The following DPYD variants were observed in gnomAD, a reference collection of about 807,000 sequenced individuals.
The protein encoded by DPYD is dihydropyrimidine dehydrogenase [NADP(+)].
DPYD carries 109 observed loss-of-function variants against 116.2 expected under a neutral mutation model. That is an observed-to-expected ratio of 0.94 (90% CI 0.80 to 1.10). The LOEUF (loss-of-function observed/expected upper bound fraction) is 1.10, where lower values mean the gene tolerates loss of function less well. Among genes scored for constraint, DPYD ranks in the 50% least tolerant of loss-of-function variants. The pLI is 0.00. For synonymous variants in DPYD, 440 were observed against 432.0 expected (o/e 1.02, Z -0.23); for missense variants, 1,302 against 1,254.5 (o/e 1.04, Z -0.57).
intron 14 of DPYD, among the ~76,000 whole-genome samples, chr1:97,416,773 C>G (rs1444140293): frequency 6.6e-6 from 1 of 152,134 alleles, no homozygotes; most frequent in Non-Finnish European, 1.5e-5. Flanking sequence ...ACTGGAATGG[C>G]AGGATTAATT....
chr1:97,331,649 G>T (rs185717392), intron 16 of DPYD, among the ~76,000 whole-genome samples: 16 of 152,234 alleles, frequency 1.1e-4, no homozygotes, highest in African/African-American at 3.8e-4. Context: ...AAAGACTAAA[G>T]AAGACTAGAG....
intron 10 of DPYD, among the ~76,000 whole-genome samples, chr1:97,579,539 C>G (rs1653496570): frequency 6.6e-6 from 1 of 152,248 alleles, no homozygotes. Flanking sequence ...GACCTGTGGT[C>G]TAACCACATG....
chr1:97,665,768 T>C (rs376848837), intron 8 of DPYD, among the ~76,000 whole-genome samples: 1 of 152,228 alleles, frequency 6.6e-6, no homozygotes, highest in East Asian at 1.9e-4. Context: ...TTGTTATTCA[T>C]AGCAAGATGA....
intron 18 of DPYD, among the ~76,000 whole-genome samples, chr1:97,242,124 G>GTGTATATA (rs1491301396): frequency 8.4e-5 from 3 of 35,866 alleles, no homozygotes; most frequent in African/African-American, 1.3e-4. Context: ...GTGTGCGTGT[G>GTGTATATA]TATATATATA....
intron 12 of DPYD, among the ~76,000 whole-genome samples, chr1:97,535,849 C>A (rs1025892449): frequency 3.9e-5 from 6 of 152,024 alleles, no homozygotes; most frequent in African/African-American, 1.2e-4. Flanking sequence ...AAACAAAAAC[C>A]TTCACATTAT....
intron 8 of DPYD, among the ~76,000 whole-genome samples, chr1:97,625,495 T>C (rs1334048558): frequency 6.6e-6 from 1 of 152,032 alleles, no homozygotes; most frequent in Non-Finnish European, 1.5e-5. Flanking sequence ...CAAATTGATA[T>C]GCTGAAGTCC....
intron 11 of DPYD, among the ~76,000 whole-genome samples, chr1:97,561,263 C>T (rs926036020): frequency 6.6e-6 from 1 of 152,142 alleles, no homozygotes; most frequent in Admixed American, 6.5e-5. Context: ...TCTGACCATT[C>T]CCTGAACAGA....
rs754125729 is a variant in DPYD at position 97,515,796 on chromosome 1, G to A, written c.1670C>T (p.Thr557Ile). The A allele has an allele frequency of 5.0e-6, 8 of 1,612,984 alleles. No homozygotes were observed. Among genetic ancestry groups the A allele is most frequent in the Non-Finnish European group, 5.9e-6 (7 of 1,179,292 alleles). Residue 557 changes from threonine (T) to isoleucine (I), a missense_variant, in exon 13 of 23, where the codon ACA becomes ATA. Thr to Ile is a moderately conservative substitution (Grantham distance 89, BLOSUM62 -1). Transcript: ENST00000370192. The part of the protein sequence containing the change: ...GLASATPATS[T>I]SMIRRAFEAG... ...TTCAAAAGCTCTTCGAATCATTGATGTGCTGGTGGCTGGAGTTGCGCTAGC... is the reference window on the plus strand; with the variant it reads ...TTCAAAAGCTCTTCGAATCATTGATATGCTGGTGGCTGGAGTTGCGCTAGC...
chr1:97,654,871 A>T (rs1412543138), intron 8 of DPYD, among the ~76,000 whole-genome samples: 1 of 152,316 alleles, frequency 6.6e-6, no homozygotes, highest in East Asian at 1.9e-4. Context: ...GGGAGGCCTC[A>T]CAATCAGCAG....
chr1:97,633,133 G>A (rs1356809359), intron 8 of DPYD, among the ~76,000 whole-genome samples: 1 of 152,122 alleles, frequency 6.6e-6, no homozygotes, highest in East Asian at 1.9e-4. Context: ...CCTGAAAGGT[G>A]AACCTAAAAT....
intron 13 of DPYD, among the ~76,000 whole-genome samples, chr1:97,467,424 C>A (rs1677395788): frequency 6.6e-6 from 1 of 152,162 alleles, no homozygotes; most frequent in South Asian, 2.1e-4. Flanking sequence ...TGATATCCTG[C>A]CCTTTTAGGC....
At chr1:97,460,689 G>T (rs529334604) in intron 13 of DPYD, among the ~76,000 whole-genome samples, 1 of 152,174 alleles carries the variant, frequency 6.6e-6, no homozygotes, top group Admixed American at 6.5e-5. Context: ...AAATGTCATT[G>T]TCCTGAACTC....
chr1:97,563,045 T>G (rs964134045), intron 11 of DPYD, among the ~76,000 whole-genome samples: 1 of 152,146 alleles, frequency 6.6e-6, no homozygotes, highest in Non-Finnish European at 1.5e-5. Flanking sequence ...CAGAGTATTT[T>G]AGATAGGGAT....
At chr1:97,107,220 C>T (rs146388987) in intron 20 of DPYD, among the ~76,000 whole-genome samples, 110 of 152,244 alleles carry the variant, frequency 7.2e-4, no homozygotes, top group African/African-American at 2.5e-3. Flanking sequence ...ATGACCCCTC[C>T]TTTATCACCA....
intron 18 of DPYD, among the ~76,000 whole-genome samples, chr1:97,298,631 C>T (rs923964635): frequency 3.9e-5 from 6 of 152,024 alleles, no homozygotes; most frequent in African/African-American, 1.4e-4. Flanking sequence ...TTTTGATAGT[C>T]CTCTAGATTT....
intron 20 of DPYD, among the ~76,000 whole-genome samples, chr1:97,113,542 C>G (rs1030368212): frequency 6.6e-6 from 1 of 152,080 alleles, no homozygotes; most frequent in African/African-American, 2.4e-5. Flanking sequence ...AGTTTCTAAA[C>G]AGAATCAGGA....
intron 11 of DPYD, among the ~76,000 whole-genome samples, chr1:97,569,589 C>T (rs1303057178): frequency 5.3e-5 from 8 of 151,740 alleles, no homozygotes; most frequent in African/African-American, 7.2e-5. Flanking sequence ...CCTTTACAGT[C>T]TATCTAGAAC....
intron 3 of DPYD, among the ~76,000 whole-genome samples, chr1:97,814,932 GGAAAGAAAGAAA>G (rs60383204): frequency 7.3e-5 from 4 of 54,846 alleles, no homozygotes; most frequent in African/African-American, 2.8e-4. Flanking sequence ...GAAAGAGAGA[GGAAAGAAAGAAA>G]GAAAGAAAGA....
chr1:97,620,712 C>A (rs1004445550), intron 8 of DPYD, among the ~76,000 whole-genome samples: 4 of 152,094 alleles, frequency 2.6e-5, no homozygotes, highest in Non-Finnish European at 5.9e-5. Context: ...TTCGTATATG[C>A]TCTTTCATTC....
Sources: gnomAD v4.1 joint callset for allele counts (sites outside exome capture counted in the v4.1 genomes callset) on GRCh38, gnomAD v4.1.1 for gene constraint, MANE v1.5 for transcripts, NCBI Gene and HGNC (gene_info 2026-07-23, HGNC 2026-07-21) for gene names.